ROBO1: variants seen among roughly 807,000 people sequenced by gnomAD.
The protein encoded by ROBO1 is roundabout guidance receptor 1.
A neutral mutation model predicts 195.9 loss-of-function variants in ROBO1; 149 were observed. The ratio of observed to expected loss-of-function variants is 0.76; its 90% CI spans 0.67 to 0.87. The LOEUF (loss-of-function observed/expected upper bound fraction) is 0.87. Ranked by LOEUF, ROBO1 falls within the 40% of genes least tolerant of loss-of-function variation. The pLI is 0.00. For missense variants in ROBO1, 1,933 were observed against 2,068.3 expected (o/e 0.93, Z 1.27); for synonymous variants, 816 against 733.2 (o/e 1.11, Z -1.82).
chr3:79,548,926 G>T (rs988214587), intron 2 of ROBO1, among the ~76,000 whole-genome samples: 4 of 152,108 alleles, frequency 2.6e-5, no homozygotes, highest in African/African-American at 7.2e-5. Flanking sequence ...GCTTCCAAAA[G>T]GGCTCTTGTT....
At chr3:79,616,317 C>T (rs947359891) in intron 1 of ROBO1, among the ~76,000 whole-genome samples, 3 of 152,050 alleles carry the variant, frequency 2.0e-5, no homozygotes, top group Admixed American at 2.0e-4. Flanking sequence ...ATGAATATTT[C>T]CTAGAGTGCA....
chr3:79,468,413 C>T (rs772881383), intron 2 of ROBO1, among the ~76,000 whole-genome samples: 10 of 152,128 alleles, frequency 6.6e-5, no homozygotes, highest in Non-Finnish European at 4.4e-5. Context: ...CATGTCACAA[C>T]AAGATTTGAA....
intron 3 of ROBO1, among the ~76,000 whole-genome samples, chr3:78,968,680 T>C (rs2076700782): frequency 6.6e-6 from 1 of 152,178 alleles, no homozygotes; most frequent in African/African-American, 2.4e-5. Flanking sequence ...TCTTCTTTCT[T>C]TCTTTTTTAG....
At chr3:79,166,128 G>C (rs2081058641) in intron 2 of ROBO1, among the ~76,000 whole-genome samples, 2 of 152,094 alleles carry the variant, frequency 1.3e-5, no homozygotes, top group Admixed American at 6.6e-5. Context: ...TCTTCTACTG[G>C]TTCTCTCTCT....
intron 1 of ROBO1, among the ~76,000 whole-genome samples, chr3:79,644,733 C>T (rs1945767482): frequency 1.3e-5 from 2 of 152,122 alleles, no homozygotes; most frequent in African/African-American, 2.4e-5. Context: ...CTGACATTTA[C>T]ATTTCACTAA....
chr3:79,164,833 A>T (rs545294306), intron 2 of ROBO1, among the ~76,000 whole-genome samples: 12 of 152,144 alleles, frequency 7.9e-5, no homozygotes, highest in Admixed American at 5.2e-4. Context: ...AACACACTAC[A>T]AGTAGTCTTA....
At chr3:79,288,583 G>T (rs557528500) in intron 2 of ROBO1, among the ~76,000 whole-genome samples, 1 of 152,148 alleles carries the variant, frequency 6.6e-6, no homozygotes. Flanking sequence ...ATCTGGAAAT[G>T]TTTGAAATCA....
At chr3:79,097,395 C>T (rs907003879) in intron 3 of ROBO1, among the ~76,000 whole-genome samples, 1 of 151,628 alleles carries the variant, frequency 6.6e-6, no homozygotes, top group Non-Finnish European at 1.5e-5. Flanking sequence ...CTGGGTTTTT[C>T]AATGAAAGGT....
intron 3 of ROBO1, among the ~76,000 whole-genome samples, chr3:79,107,757 AT>A (rs1444358566): frequency 6.6e-6 from 1 of 151,752 alleles, no homozygotes; most frequent in Non-Finnish European, 1.5e-5. Context: ...GATTAAGTAA[AT>A]GAAGCTTATT....
intron 2 of ROBO1, among the ~76,000 whole-genome samples, chr3:79,313,186 C>CAAAAA (rs61113124): frequency 1.1e-5 from 1 of 90,084 alleles, no homozygotes; most frequent in Non-Finnish European, 2.4e-5. Flanking sequence ...GACTCCATCT[C>CAAAAA]AAAAAAAAAA....
chr3:78,888,457 T>C (rs1215699047), intron 4 of ROBO1, among the ~76,000 whole-genome samples: 1 of 152,222 alleles, frequency 6.6e-6, no homozygotes, highest in Non-Finnish European at 1.5e-5. Context: ...AAATATCTAA[T>C]GTTTGTATTC....
At chr3:79,207,035 G>A (rs1032445764) in intron 2 of ROBO1, among the ~76,000 whole-genome samples, 3 of 152,064 alleles carry the variant, frequency 2.0e-5, no homozygotes, top group Admixed American at 6.6e-5. Flanking sequence ...TTTGCATGAC[G>A]ATGTTCAGTA....
chr3:79,364,228 G>A (rs2035877734), intron 2 of ROBO1, among the ~76,000 whole-genome samples: 1 of 84,432 alleles, frequency 1.2e-5, no homozygotes, highest in South Asian at 3.5e-4. Context: ...CTATATAAAT[G>A]TGTGTGTGTA....
chr3:79,760,101 G>A (rs1704604504), intron 1 of ROBO1, among the ~76,000 whole-genome samples: 2 of 151,482 alleles, frequency 1.3e-5, no homozygotes, highest in Non-Finnish European at 2.9e-5. Context: ...TCTGGGTGTG[G>A]TGGTGTGCAT....
intron 2 of ROBO1, among the ~76,000 whole-genome samples, chr3:79,575,920 C>G (rs568303826): frequency 7.9e-5 from 12 of 152,040 alleles, no homozygotes; most frequent in African/African-American, 2.9e-4. Context: ...GTAGAACCAA[C>G]AGTTGTAACC....
intron 2 of ROBO1, among the ~76,000 whole-genome samples, chr3:79,341,397 T>G (rs1192434947): frequency 6.6e-6 from 1 of 152,234 alleles, no homozygotes; most frequent in Admixed American, 6.5e-5. Flanking sequence ...CTTCACTTTT[T>G]TATGTCATTT....
intron 2 of ROBO1, among the ~76,000 whole-genome samples, chr3:79,301,032 G>A (rs1019801472): frequency 6.6e-6 from 1 of 152,220 alleles, no homozygotes; most frequent in East Asian, 1.9e-4. Context: ...CAGGCTGCCC[G>A]AGCCAGCAGT....
At position 79,137,611 on chromosome 3, in the gene ROBO1, T is replaced by TATCATGATCCTAGCCATCATC. The variant is rs2108602997; in HGVS notation, c.89-12093_89-12073dup. ...TGTTCTTATGTAATGCTTACAGTTC[T>TATCATGATCCTAGCCATCATC]ATCATGATCCTAGCCATCATCATCA... On this transcript the variant is annotated intron_variant, in intron 2 of 30. Coordinates refer to ENST00000464233, the MANE Select transcript of ROBO1 (RefSeq NM_002941.4). Among the ~76,000 whole-genome samples, 2 of 152,234 alleles carry TATCATGATCCTAGCCATCATC rather than the reference T, an allele frequency of 1.3e-5. 1 individual carries two copies. The highest frequency in any genetic ancestry group is 4.1e-4 in the South Asian group (2 of 4,832).
chr3:79,471,909 G>C (rs544917779), intron 2 of ROBO1, among the ~76,000 whole-genome samples: 9 of 151,512 alleles, frequency 5.9e-5, no homozygotes, highest in African/African-American at 1.7e-4. Flanking sequence ...CATATGGAGA[G>C]GAACATCACA....
Sources: gnomAD v4.1 joint callset for allele counts (sites outside exome capture counted in the v4.1 genomes callset) on GRCh38, gnomAD v4.1.1 for gene constraint, MANE v1.5 for transcripts, NCBI Gene and HGNC (gene_info 2026-07-23, HGNC 2026-07-21) for gene names.